SLC2A5: variants seen among roughly 807,000 people sequenced by gnomAD.
SLC2A5 encodes the protein solute carrier family 2 member 5, also known as solute carrier family 2, facilitated glucose transporter member 5.
Under a neutral mutation model 50.3 loss-of-function variants are expected in SLC2A5, and 56 were observed. The observed-to-expected ratio is 1.11, with a 90% CI of 0.90 to 1.39. The LOEUF (loss-of-function observed/expected upper bound fraction) is 1.39, where lower values mean the gene tolerates loss of function less well. SLC2A5 is among the 40% of genes most tolerant of loss of function. The pLI is 0.00. For missense variants in SLC2A5, 566 were observed against 650.1 expected (o/e 0.87, Z 1.41); for synonymous variants, 269 against 281.9 (o/e 0.95, Z 0.46).
chr1:9,089,214 T>C (rs1642437449), upstream of SLC2A5, among the ~76,000 whole-genome samples: 2 of 152,110 alleles, frequency 1.3e-5, no homozygotes, highest in African/African-American at 4.8e-5. Flanking sequence ...GACCACACAA[T>C]TACCTGTCTC....
chr1:9,060,656 CA>C lies in SLC2A5; in HGVS notation c.34-2407del, dbSNP rs1229646133. On this transcript the variant is annotated intron_variant, in intron 1 of 11. Transcript: ENST00000377424. ...ACACATACAGCCCACACACCCCCCACACACACACACCCCACACACACACCAC... is the reference window on the plus strand; with the variant it reads ...ACACATACAGCCCACACACCCCCCACCACACACACCCCACACACACACCAC... Among the ~76,000 whole-genome samples, 23 of 99,040 alleles carry C rather than the reference CA, an allele frequency of 2.3e-4. 1 individual carries two copies. Among genetic ancestry groups the C allele is most frequent in the South Asian group, 6.7e-4 (2 of 2,982 alleles). The allele number at this position is 99,040 out of a possible 152,430, so 65.0% of individuals were successfully genotyped here.
intron 1 of SLC2A5, among the ~76,000 whole-genome samples, chr1:9,068,714 G>C (rs1642146733): frequency 6.6e-6 from 1 of 152,010 alleles, no homozygotes; most frequent in South Asian, 2.1e-4. Context: ...AGCCTCCCAA[G>C]ACCCACTCTT....
Position 9,065,953 on chromosome 1 carries a change from A to AT in SLC2A5, c.33+3550dup, listed in dbSNP as rs879728772. 9.0e-5 allele frequency among the ~76,000 whole-genome samples: 13 copies of AT among 144,270 alleles called. No homozygotes were observed. In the South Asian group the frequency reaches 2.0e-3, roughly 22 times the overall value. The allele number at this position is 144,270 out of a possible 152,430, so 94.6% of individuals were successfully genotyped here. ...AGCCAGACCCTGCCTCAAAAAAAAA[A>AT]TTTTTTTTTGAGGATAATGATACCA... On this transcript the variant is annotated intron_variant, in intron 1 of 11. Coordinates refer to ENST00000377424, the MANE Select transcript of SLC2A5 (RefSeq NM_003039.3).
upstream of SLC2A5, among the ~76,000 whole-genome samples, chr1:9,070,270 G>A (rs987173898): frequency 6.6e-6 from 1 of 151,590 alleles, no homozygotes; most frequent in South Asian, 2.1e-4. Context: ...TAGTAGACAC[G>A]GGGTTTTGCC....
chr1:9,090,094 A>T (rs1642447497), upstream of SLC2A5, among the ~76,000 whole-genome samples: 1 of 151,912 alleles, frequency 6.6e-6, no homozygotes, highest in Non-Finnish European at 1.5e-5. Context: ...AGTCACCCTC[A>T]CTCTTTTTTG....
upstream of SLC2A5, among the ~76,000 whole-genome samples, chr1:9,090,812 C>G (rs11487892): frequency 0.042 from 6,430 of 152,286 alleles, 272 homozygotes; most frequent in East Asian, 0.16. Context: ...TCAATTAGAC[C>G]TCTCCCAACT....
chr1:9,042,042 C>T (rs1641318868), intron 4 of SLC2A5, 105 bp from the exon 5 acceptor site: 2 of 1,424,990 alleles, frequency 1.4e-6, no homozygotes, highest in East Asian at 5.1e-5. Context: ...TGGGCCAGAA[C>T]TCTCTCAAAA....
At chr1:9,050,512 A>G (rs1641542792) in intron 3 of SLC2A5, among the ~76,000 whole-genome samples, 1 of 152,164 alleles carries the variant, frequency 6.6e-6, no homozygotes, top group Non-Finnish European at 1.5e-5. Flanking sequence ...CTGGACATCT[A>G]TATGCAAGAA....
Position 9,040,342 on chromosome 1 carries a change from T to A in SLC2A5, c.572-153A>T. ...CCCTAAGAACAGCAACTCCCGACGG[T>A]GGACACTCGGGAAACACCTGCAGCA... is the stretch of plus-strand genomic sequence containing the variant. On this transcript the variant is annotated intron_variant, in intron 5 of 11. Transcript: ENST00000377424. The surrounding 1 kb of genome is among the most constrained non-coding windows in gnomAD (Gnocchi z 4.3). 1 of 913,154 alleles carries A rather than the reference T, an allele frequency of 1.1e-6. No individual in the cohort carries two copies. Among genetic ancestry groups the A allele is most frequent in the Non-Finnish European group, 1.6e-6 (1 of 623,744 alleles). The allele number at this position is 913,154 out of a possible 1,614,324, so 56.6% of individuals were successfully genotyped here.
Position 9,039,858 on chromosome 1 carries a change from C to T in SLC2A5, c.827G>A (p.Trp276Ter). 6.2e-7 allele frequency: 1 copy of T among 1,611,602 alleles called. No homozygotes were observed. Among genetic ancestry groups the T allele is most frequent in the Non-Finnish European group, 8.5e-7 (1 of 1,179,362 alleles). The change falls in exon 7 of 12, where the codon TGG becomes TAG. Residue 276 changes from tryptophan (W) to a stop codon, truncating the protein, a stop_gained. Transcript: ENST00000377424. LOFTEE classifies it high-confidence loss of function. ...GAGGACGATGATGGACAGCAGCTGCCAGCGCAGCGAGCGCATCCGGAACAG... is the reference window on the plus strand; with the variant it reads ...GAGGACGATGATGGACAGCAGCTGCTAGCGCAGCGAGCGCATCCGGAACAG... ...LKLFRMRSLR[W>*]QLLSIIVLMG...
intron 1 of SLC2A5, among the ~76,000 whole-genome samples, chr1:9,063,681 C>CTTTTTTTTT (rs70985579): frequency 6.6e-5 from 3 of 45,146 alleles, no homozygotes; most frequent in Non-Finnish European, 1.1e-4. Context: ...CTATTATTTA[C>CTTTTTTTTT]TTTTTTTTTT....
At chr1:9,094,048 A>G in the SLC2A5 span, among the ~76,000 whole-genome samples, 1 of 152,116 alleles carries the variant, frequency 6.6e-6, no homozygotes, top group Non-Finnish European at 1.5e-5. Flanking sequence ...CCCTTTTACA[A>G]CAAGCCTCAA....
intron 1 of SLC2A5, among the ~76,000 whole-genome samples, chr1:9,068,189 CAAAAAAAA>C (rs755203801): frequency 1.3e-5 from 1 of 77,092 alleles, no homozygotes; most frequent in Non-Finnish European, 2.5e-5. Context: ...GACTCTGTGT[CAAAAAAAA>C]AAAAAAAAAA....
intron 1 of SLC2A5, 119 bp downstream of exon 1, chr1:9,069,385 C>T (rs1642165279): frequency 9.5e-7 from 1 of 1,048,592 alleles, no homozygotes; most frequent in Admixed American, 1.9e-5. Flanking sequence ...ACCATAATCC[C>T]TCCCAACACA....
At chr1:9,060,580 AC>A (rs1363431462) in intron 1 of SLC2A5, among the ~76,000 whole-genome samples, 3 of 85,058 alleles carry the variant, frequency 3.5e-5, no homozygotes, top group Non-Finnish European at 2.3e-5. Flanking sequence ...ATACACACCC[AC>A]CCCCCACACA....
At chr1:9,043,901 T>C (rs932070788) in intron 4 of SLC2A5, among the ~76,000 whole-genome samples, 1 of 151,646 alleles carries the variant, frequency 6.6e-6, no homozygotes, top group East Asian at 2.0e-4. Context: ...TTTGTATTTT[T>C]AGTAGAGACG....
At chr1:9,056,321 G>T (rs1258266006) in intron 3 of SLC2A5, among the ~76,000 whole-genome samples, 1 of 152,032 alleles carries the variant, frequency 6.6e-6, no homozygotes, top group Non-Finnish European at 1.5e-5. Context: ...GAGTAGGGGG[G>T]TTACAGGCAC....
At chr1:9,077,964 C>T (rs1642312018) in intron 2 of SLC2A5, among the ~76,000 whole-genome samples, 1 of 152,130 alleles carries the variant, frequency 6.6e-6, no homozygotes, top group Non-Finnish European at 1.5e-5. Flanking sequence ...AAAAAGGCTA[C>T]TCCACAGGCA....
At chr1:9,063,105 C>G (rs955544030) in intron 1 of SLC2A5, among the ~76,000 whole-genome samples, 2 of 152,198 alleles carry the variant, frequency 1.3e-5, no homozygotes, top group African/African-American at 4.8e-5. Flanking sequence ...CACTTCTCAC[C>G]CTGTGAGTTC....
Sources: allele counts gnomAD v4.1 joint callset (sites outside exome capture counted in the v4.1 genomes callset), GRCh38; gene constraint gnomAD v4.1.1; non-coding constraint Gnocchi (gnomAD v3.1); transcripts MANE v1.5; gene names NCBI Gene and HGNC (gene_info 2026-07-23, HGNC 2026-07-21).